The following SCAP variants were observed in gnomAD, a reference collection of about 807,000 sequenced individuals.
SCAP encodes sterol regulatory element-binding protein cleavage-activating protein.
SCAP carries 65 observed loss-of-function variants against 123.6 expected under a neutral mutation model. The observed-to-expected ratio is 0.53, with a 90% CI of 0.43 to 0.65. The LOEUF (loss-of-function observed/expected upper bound fraction) is 0.65. Among genes scored for constraint, SCAP ranks in the 30% least tolerant of loss-of-function variants. SCAP has a pLI of 0.00. For synonymous variants in SCAP, 740 were observed against 726.3 expected (o/e 1.02, Z -0.30); for missense variants, 1,398 against 1,712.5 (o/e 0.82, Z 3.24).
intron 1 of SCAP, among the ~76,000 whole-genome samples, chr3:47,472,545 T>A (rs898516009): frequency 2.0e-5 from 3 of 152,088 alleles, no homozygotes; most frequent in African/African-American, 7.2e-5. Context: ...TCCACGTGCA[T>A]CTTTATGCTT....
At chr3:47,469,656 G>C (rs945188952) in intron 1 of SCAP, 16 of 244,404 alleles carry the variant, frequency 6.5e-5, no homozygotes, top group Non-Finnish European at 1.1e-4. Flanking sequence ...ACTGCACCCA[G>C]CCACCAAATA....
Position 47,441,042 on chromosome 3 carries a change from C to T in SCAP, c.122+1830G>A, listed in dbSNP as rs527255050. Among the ~76,000 whole-genome samples, 5 of 152,048 alleles carry T rather than the reference C, an allele frequency of 3.3e-5. No individual in the cohort carries two copies. The South Asian group carries it at 1.0e-3, about 32-fold the overall frequency. ...TCAGCCTCCCGAGTGGCGGGGACTA[C>T]AGGTGCAGGCCACCACACCTAGCTA... On this transcript the variant is annotated intron_variant, in intron 2 of 22. Transcript: ENST00000265565.
rs746972557 is a variant in SCAP at position 47,417,116 on chromosome 3, G to A, written c.3056+6C>T. 8.1e-6 allele frequency: 13 copies of A among 1,612,526 alleles called. No individual in the cohort carries two copies. The highest frequency in any genetic ancestry group is 3.3e-5 in the Admixed American group (2 of 59,988). ...GACATCTGGGGCTGAGGCAGGCCAC[G>A]CTCACCTTTTGTCCAAGAACACCAG... On this transcript the variant is annotated splice_donor_region_variant and intron_variant, in intron 18 of 22. Coordinates refer to ENST00000265565, the MANE Select transcript of SCAP (RefSeq NM_012235.4).
chr3:47,437,141 T>C (rs1461156422), intron 2 of SCAP, among the ~76,000 whole-genome samples: 1 of 152,164 alleles, frequency 6.6e-6, no homozygotes, highest in Non-Finnish European at 1.5e-5. Flanking sequence ...TGGTTTGAGC[T>C]ATTAAGAATA....
intron 8 of SCAP, chr3:47,425,220 A>G: frequency 2.3e-6 from 1 of 437,462 alleles, no homozygotes; most frequent in Non-Finnish European, 4.1e-6. Flanking sequence ...ATACCAACAC[A>G]CACCCCTTAT....
At chr3:47,438,818 C>CAA (rs58162151) in intron 2 of SCAP, among the ~76,000 whole-genome samples, 47 of 117,532 alleles carry the variant, frequency 4.0e-4, no homozygotes, top group Non-Finnish European at 6.7e-4. Flanking sequence ...GACCCTGTCT[C>CAA]AAAAAAAAAA....
intron 1 of SCAP, among the ~76,000 whole-genome samples, chr3:47,462,341 T>A (rs988445075): frequency 6.6e-6 from 1 of 152,198 alleles, no homozygotes; most frequent in Non-Finnish European, 1.5e-5. Context: ...CTCTGCCCCA[T>A]CAGCTATACA....
intron 2 of SCAP, among the ~76,000 whole-genome samples, chr3:47,442,227 T>C (rs1408813729): frequency 6.6e-6 from 1 of 152,198 alleles, no homozygotes; most frequent in Non-Finnish European, 1.5e-5. Context: ...AAAAGGGTCA[T>C]CAGATGTCAT....
chr3:47,432,388 G>A (rs1706399782), intron 3 of SCAP, among the ~76,000 whole-genome samples: 1 of 150,982 alleles, frequency 6.6e-6, no homozygotes, highest in South Asian at 2.1e-4. Context: ...CTGACCACTG[G>A]GGAGCTCTTT....
intron 1 of SCAP, among the ~76,000 whole-genome samples, chr3:47,455,860 G>C (rs1707405026): frequency 6.6e-6 from 1 of 152,064 alleles, no homozygotes; most frequent in South Asian, 2.1e-4. Context: ...GATGATGAAA[G>C]GGAACTAACT....
intron 2 of SCAP, among the ~76,000 whole-genome samples, chr3:47,436,478 C>CA (rs1366701463): frequency 2.0e-5 from 3 of 151,760 alleles, no homozygotes; most frequent in Non-Finnish European, 2.9e-5. Context: ...ACCAAAAATA[C>CA]AAAAAATTAG....
rs1188681480 is a variant in SCAP, at chr3:47,425,520, G to A, written c.1002C>T (p.Cys334=). The change falls in exon 8 of 23, where the codon TGC becomes TGT. Residue 334 remains cysteine, a synonymous_variant. Transcript: ENST00000265565. The part of the protein sequence containing the change: ...LSSLLMSVGL[C]TLFGLTPTLN... ...GGGTGGGCGTCAGGCCGAAGAGTGT[G>A]CAGAGTCCCACAGACATGAGCAGCG... is the stretch of plus-strand genomic sequence containing the variant. The A allele has an allele frequency of 6.2e-7, 1 of 1,614,018 alleles. No individual in the cohort carries two copies. The highest frequency in any genetic ancestry group is 1.1e-5 in the South Asian group (1 of 91,088).
chr3:47,424,353 C>T (rs1284860070), intron 8 of SCAP, among the ~76,000 whole-genome samples: 1 of 152,250 alleles, frequency 6.6e-6, no homozygotes, highest in Non-Finnish European at 1.5e-5. Flanking sequence ...CTAGACCACA[C>T]TTCTGCTGGC....
intron 1 of SCAP, among the ~76,000 whole-genome samples, chr3:47,472,297 G>A (rs1304548404): frequency 8.6e-5 from 13 of 150,898 alleles, no homozygotes; most frequent in African/African-American, 2.9e-4. Context: ...AGCCGGGCGC[G>A]GTGGCGGGCG....
chr3:47,469,884 A>T, intron 1 of SCAP: 1 of 526,252 alleles, frequency 1.9e-6, no homozygotes, highest in South Asian at 1.5e-5. Flanking sequence ...TGGAACAAGA[A>T]ATTAGCCACA....
At chr3:47,444,534 G>T (rs1435483218) in intron 1 of SCAP, among the ~76,000 whole-genome samples, 4 of 150,498 alleles carry the variant, frequency 2.7e-5, no homozygotes, top group African/African-American at 9.8e-5. Context: ...AGTGCAGTGG[G>T]CACTCTCTTG....
chr3:47,469,958 G>A (rs746957455), intron 1 of SCAP: 12 of 357,166 alleles, frequency 3.4e-5, no homozygotes, highest in African/African-American at 8.7e-5. Flanking sequence ...AGAGAGAAGC[G>A]GTTTTGAAAG....
chr3:47,425,151 A>G (rs1706069415), intron 8 of SCAP: 1 of 241,550 alleles, frequency 4.1e-6, no homozygotes, highest in Non-Finnish European at 8.0e-6. Flanking sequence ...TAGAATACAT[A>G]AACACAGACA....
At chr3:47,417,077 C>T in intron 18 of SCAP, 45 bp downstream of exon 18, 1 of 1,564,372 alleles carries the variant, frequency 6.4e-7, no homozygotes, top group Non-Finnish European at 8.8e-7. Context: ...ATGGCCTAGC[C>T]AACAAAGGCT....
Sources: gnomAD v4.1 joint callset for allele counts (sites outside exome capture counted in the v4.1 genomes callset) on GRCh38, gnomAD v4.1.1 for gene constraint, MANE v1.5 for transcripts, NCBI Gene and HGNC (gene_info 2026-07-23, HGNC 2026-07-21) for gene names.